Variants in MTHFD2L observed in about 807,000 individuals in gnomAD.
MTHFD2L encodes the protein bifunctional methylenetetrahydrofolate dehydrogenase/cyclohydrolase 2, mitochondrial.
A neutral mutation model predicts 34.9 loss-of-function variants in MTHFD2L; 29 were observed. The ratio of observed to expected loss-of-function variants is 0.83; its 90% CI spans 0.62 to 1.13. The LOEUF is 1.13. Among genes scored for constraint, MTHFD2L ranks in the 50% most tolerant of loss-of-function variants. The probability of loss-of-function intolerance (pLI) is 0.00; values close to 1 mark genes in which losing one functional copy is unlikely to be tolerated. For synonymous variants in MTHFD2L, 167 were observed against 155.7 expected, an observed-to-expected ratio of 1.07 and a Z score of -0.54; for missense variants, 481 against 446.5, an observed-to-expected ratio of 1.08 and a Z score of -0.70.
chr4:74,295,943 C>G (rs1019188245), intron 7 of MTHFD2L, among the ~76,000 whole-genome samples: 3 of 152,190 alleles, frequency 2.0e-5, no homozygotes, highest in African/African-American at 7.2e-5. Flanking sequence ...CTCTTGACAC[C>G]TTCACAGTGC....
intron 2 of MTHFD2L, among the ~76,000 whole-genome samples, chr4:74,117,356 C>T (rs1721671629): frequency 6.6e-6 from 1 of 152,122 alleles, no homozygotes; most frequent in African/African-American, 2.4e-5. Flanking sequence ...GATTCAGATT[C>T]AGCTACTATT....
intron 6 of MTHFD2L, among the ~76,000 whole-genome samples, chr4:74,251,153 T>A (rs993754119): frequency 6.6e-6 from 1 of 152,240 alleles, no homozygotes; most frequent in Non-Finnish European, 1.5e-5. Context: ...AATAGTATGC[T>A]GGGTTAAGCC....
At chr4:74,189,510 T>A (rs1291305718) in intron 3 of MTHFD2L, among the ~76,000 whole-genome samples, 12 of 97,290 alleles carry the variant, frequency 1.2e-4, no homozygotes, top group Admixed American at 3.9e-4. Flanking sequence ...TTTTTTTTTT[T>A]AAAGATTAAT....
intron 6 of MTHFD2L, among the ~76,000 whole-genome samples, chr4:74,245,357 C>T (rs1205333800): frequency 6.6e-6 from 1 of 151,502 alleles, no homozygotes; most frequent in Non-Finnish European, 1.5e-5. Flanking sequence ...ATGTAATAGA[C>T]ATATTGTTTT....
chr4:74,279,532 C>T (rs1747149541), intron 6 of MTHFD2L, among the ~76,000 whole-genome samples: 1 of 152,066 alleles, frequency 6.6e-6, no homozygotes, highest in Non-Finnish European at 1.5e-5. Context: ...CAAGCTCACA[C>T]TTTCCTCTAT....
chr4:74,116,860 C>T (rs1028642120), intron 2 of MTHFD2L, among the ~76,000 whole-genome samples: 7 of 152,164 alleles, frequency 4.6e-5, no homozygotes, highest in African/African-American at 1.2e-4. Context: ...ATATAGATAC[C>T]GTTCTATCTT....
intron 1 of MTHFD2L, among the ~76,000 whole-genome samples, chr4:74,138,792 A>G (rs1387966574): frequency 6.6e-6 from 1 of 152,176 alleles, no homozygotes; most frequent in Non-Finnish European, 1.5e-5. Context: ...GCTCCCATAC[A>G]ATGGGAGGGG....
At chr4:74,174,039 A>T (rs1728542437) in intron 1 of MTHFD2L, among the ~76,000 whole-genome samples, 1 of 152,144 alleles carries the variant, frequency 6.6e-6, no homozygotes, top group Non-Finnish European at 1.5e-5. Context: ...GTACACCAGA[A>T]GGTTCAGTGT....
intron 1 of MTHFD2L, among the ~76,000 whole-genome samples, chr4:74,128,808 T>G (rs1722261707): frequency 6.6e-6 from 1 of 152,050 alleles, no homozygotes; most frequent in Non-Finnish European, 1.5e-5. Flanking sequence ...TGCTTGTCAT[T>G]CTTGAAGGCA....
chr4:74,269,009 A>G (rs1181457032), intron 6 of MTHFD2L, among the ~76,000 whole-genome samples: 17 of 152,176 alleles, frequency 1.1e-4, no homozygotes, highest in Admixed American at 6.5e-4. Flanking sequence ...CATATTTACA[A>G]TCCCTTGATG....
chr4:74,245,150 G>A (rs900845587), intron 6 of MTHFD2L, among the ~76,000 whole-genome samples: 4 of 137,130 alleles, frequency 2.9e-5, no homozygotes, highest in Non-Finnish European at 4.5e-5. Context: ...AGCTGAGATC[G>A]CGCCACTGCA....
At chr4:74,217,525 C>A (rs569453576) in intron 5 of MTHFD2L, among the ~76,000 whole-genome samples, 1 of 151,832 alleles carries the variant, frequency 6.6e-6, no homozygotes, top group African/African-American at 2.4e-5. Context: ...CTCCTTTAAA[C>A]CACACCGTGA....
chr4:74,242,361 C>A (rs1644211410), intron 6 of MTHFD2L, among the ~76,000 whole-genome samples: 1 of 152,016 alleles, frequency 6.6e-6, no homozygotes. Flanking sequence ...TTAATGTAAT[C>A]TTTCAGTATA....
intron 6 of MTHFD2L, among the ~76,000 whole-genome samples, chr4:74,263,696 G>A (rs1316059594): frequency 6.6e-6 from 1 of 151,976 alleles, no homozygotes; most frequent in Non-Finnish European, 1.5e-5. Context: ...AGACTTTGAG[G>A]AAGTTGTTTT....
intron 6 of MTHFD2L, among the ~76,000 whole-genome samples, chr4:74,243,601 A>T (rs1346595233): frequency 6.6e-6 from 1 of 152,122 alleles, no homozygotes; most frequent in Non-Finnish European, 1.5e-5. Context: ...TTGATTTACA[A>T]GATTCCATCT....
At chr4:74,183,338 A>G (rs919944003) in intron 3 of MTHFD2L, 1 of 152,140 alleles carries the variant, frequency 6.6e-6, no homozygotes. Context: ...AAAACTAAAA[A>G]CAATTATTTA....
At chr4:74,232,672 A>G (rs1452083446) in intron 6 of MTHFD2L, among the ~76,000 whole-genome samples, 4 of 152,166 alleles carry the variant, frequency 2.6e-5, no homozygotes, top group Non-Finnish European at 5.9e-5. Context: ...AATCCCAACC[A>G]AAGTGAAATA....
At chr4:74,205,330 G>A (rs1361942306) in intron 5 of MTHFD2L, among the ~76,000 whole-genome samples, 2 of 152,000 alleles carry the variant, frequency 1.3e-5, no homozygotes, top group African/African-American at 4.8e-5. Flanking sequence ...AATGAAGGAG[G>A]ACTAACTCGG....
intron 6 of MTHFD2L, among the ~76,000 whole-genome samples, chr4:74,256,491 T>C (rs1744045358): frequency 6.6e-6 from 1 of 152,150 alleles, no homozygotes; most frequent in Non-Finnish European, 1.5e-5. Flanking sequence ...CAGAATGGTG[T>C]TTCCTAGATT....
Sources: gnomAD v4.1 joint callset for allele counts (sites outside exome capture counted in the v4.1 genomes callset) on GRCh38, gnomAD v4.1.1 for gene constraint, MANE v1.5 for transcripts, NCBI Gene and HGNC (gene_info 2026-07-23, HGNC 2026-07-21) for gene names.